The following ZNF420 variants were observed in gnomAD, a reference collection of about 807,000 sequenced individuals.
ZNF420 encodes the protein ATM and p53-associated KZNF protein.
In ZNF420, 31 loss-of-function variants were observed where a neutral mutation model predicts 44.7. The ratio of observed to expected loss-of-function variants is 0.69; its 90% confidence interval spans 0.52 to 0.94. The LOEUF (loss-of-function observed/expected upper bound fraction) is 0.94, where lower values mean the gene tolerates loss of function less well. ZNF420 is among the 40% of genes least tolerant of loss of function. The probability of loss-of-function intolerance (pLI) is 0.00; values close to 1 mark genes in which losing one functional copy is unlikely to be tolerated. For synonymous variants in ZNF420, 245 were observed against 267.4 expected (o/e 0.92, Z 0.82); for missense variants, 681 against 827.9 (o/e 0.82, Z 2.18).
At chr19:37,074,822 A>T (rs1411921358), upstream of ZNF420, among the ~76,000 whole-genome samples, 2 of 152,364 alleles carry the variant, frequency 1.3e-5, no homozygotes, top group East Asian at 3.9e-4. Context: ...AGATTAAGCA[A>T]ATGGTCCAAA....
At chr19:37,050,049 G>A (rs1967611338) in intron 1 of ZNF420, among the ~76,000 whole-genome samples, 1 of 152,024 alleles carries the variant, frequency 6.6e-6, no homozygotes, top group Admixed American at 6.6e-5. Flanking sequence ...TATTTCTGAG[G>A]GCTCTTTTCT....
At chr19:37,066,764 A>G (rs1222741077) in intron 1 of ZNF420, among the ~76,000 whole-genome samples, 1 of 152,212 alleles carries the variant, frequency 6.6e-6, no homozygotes, top group Non-Finnish European at 1.5e-5. Flanking sequence ...ACACCTATAC[A>G]CTGTGTCTGA....
At chr19:37,011,090 GCT>G (rs2074565814) in intron 1 of ZNF420, among the ~76,000 whole-genome samples, 1 of 152,200 alleles carries the variant, frequency 6.6e-6, no homozygotes, top group Non-Finnish European at 1.5e-5. Flanking sequence ...TCTCGCCTCT[GCT>G]CTATCCTCCC....
Position 37,072,435 on chromosome 19 carries a change from C to T in ZNF420, c.-124-7910C>T, listed in dbSNP as rs1968072701. ...AAGCACACAGAATCCACAGGATTCACAAAGGAAGAAGATACTCCAGATTGT... is the reference window on the plus strand; with the variant it reads ...AAGCACACAGAATCCACAGGATTCATAAAGGAAGAAGATACTCCAGATTGT... On this transcript the variant is annotated intron_variant, in intron 1 of 4. Coordinates refer to the ZNF420 transcript ENST00000587029. Among the ~76,000 whole-genome samples the T allele has an allele frequency of 4.6e-5, 7 of 152,280 alleles. 1 individual carries two copies. The South Asian group carries it at 1.2e-3, about 27-fold the overall frequency.
At chr19:37,105,840 A>G (rs1970048185) in intron 4 of ZNF420, among the ~76,000 whole-genome samples, 1 of 152,052 alleles carries the variant, frequency 6.6e-6, no homozygotes, top group African/African-American at 2.4e-5. Context: ...TTTGTCTGTT[A>G]TTGGTGTATA....
intron 1 of ZNF420, among the ~76,000 whole-genome samples, chr19:37,056,211 A>G (rs1967751389): frequency 6.6e-6 from 1 of 151,982 alleles, no homozygotes; most frequent in African/African-American, 2.4e-5. Flanking sequence ...GGATGGGGTG[A>G]ACTTTGCAGA....
Position 37,128,584 on chromosome 19 carries a change from T to C in ZNF420, c.1593T>C (p.Tyr531=). ...HQRLHTGEKP[Y]VCNECGKAFA... ...GACTTCACACTGGTGAGAAACCCTA[T>C]GTGTGTAATGAATGTGGAAAGGCCT... The change falls in exon 5 of 5, where the codon TAT becomes TAC. Residue 531 remains tyrosine (Y), a synonymous_variant. Coordinates refer to ENST00000337995, the MANE Select transcript of ZNF420 (RefSeq NM_144689.5). 7 of 1,613,796 alleles carry C rather than the reference T, an allele frequency of 4.3e-6. No homozygotes were observed. The highest frequency in any genetic ancestry group is 5.1e-6 in the Non-Finnish European group (6 of 1,179,880).
At chr19:37,066,655 G>A (rs912631087) in intron 1 of ZNF420, among the ~76,000 whole-genome samples, 2 of 152,196 alleles carry the variant, frequency 1.3e-5, no homozygotes, top group Non-Finnish European at 2.9e-5. Context: ...TGTTGGCAAA[G>A]AGGTAGGGAG....
At chr19:37,009,516 G>T (rs1311983893) in intron 1 of ZNF420, among the ~76,000 whole-genome samples, 2 of 152,156 alleles carry the variant, frequency 1.3e-5, no homozygotes, top group Non-Finnish European at 2.9e-5. Flanking sequence ...TCTGGGGGAC[G>T]CCAGTGCCAC....
chr19:37,026,828 C>G (rs1213742927), intron 1 of ZNF420, among the ~76,000 whole-genome samples: 1 of 152,280 alleles, frequency 6.6e-6, no homozygotes, highest in South Asian at 2.1e-4. Flanking sequence ...AATGGACAAA[C>G]AGATAATAAT....
intron 1 of ZNF420, among the ~76,000 whole-genome samples, chr19:37,036,549 C>T (rs1484951640): frequency 6.6e-6 from 1 of 152,152 alleles, no homozygotes; most frequent in Non-Finnish European, 1.5e-5. Flanking sequence ...AGGTAATAAT[C>T]CTCCTGCTTT....
intron 1 of ZNF420, among the ~76,000 whole-genome samples, chr19:37,054,641 T>A (rs1257824270): frequency 2.6e-5 from 4 of 152,246 alleles, no homozygotes; most frequent in African/African-American, 9.6e-5. Flanking sequence ...TAAGACTCAC[T>A]GAGCAGATGG....
At chr19:37,056,652 T>C (rs1387326869) in intron 1 of ZNF420, among the ~76,000 whole-genome samples, 1 of 152,200 alleles carries the variant, frequency 6.6e-6, no homozygotes, top group Non-Finnish European at 1.5e-5. Context: ...GGGATCTTTC[T>C]GTGCCCCAGT....
rs34191527 is a variant in ZNF420 at position 37,129,043 on chromosome 19, A to G, written c.2052A>G (p.Ser684=). Residue 684 remains serine (S), a synonymous_variant, in exon 5 of 5, where the codon TCA becomes TCG. Transcript: ENST00000337995. ...GTGGGATTGACTTTAGTCATGGCTC[A>G]CAAGTTTACATGTGAATTGTCTGAT... is the stretch of plus-strand genomic sequence containing the variant. ...KECGIDFSHG[S]QVYM The G allele has an allele frequency of 6.5e-3, 10,527 of 1,610,736 alleles. 326 individuals are homozygous for G. The Admixed American group carries it at 0.066, about 10-fold the overall frequency.
At chr19:37,057,459 C>T (rs1225779303) in intron 1 of ZNF420, among the ~76,000 whole-genome samples, 3 of 150,610 alleles carry the variant, frequency 2.0e-5, no homozygotes, top group Non-Finnish European at 4.4e-5. Flanking sequence ...CCCATTCTCT[C>T]TTATCTCTCT....
chr19:37,042,023 G>A (rs11084871), intron 1 of ZNF420, among the ~76,000 whole-genome samples: 46,856 of 151,914 alleles, frequency 0.31, 7,527 homozygotes, highest in Non-Finnish European at 0.35. Context: ...TAATGGAGAC[G>A]AAGTCTCGCT....
chr19:37,013,694 A>G (rs826322), intron 1 of ZNF420, among the ~76,000 whole-genome samples: 53,381 of 151,870 alleles, frequency 0.35, 9,669 homozygotes, highest in African/African-American at 0.41. Flanking sequence ...GGTCCCACGG[A>G]CCTCAAGCCA....
At chr19:37,069,436 T>C (rs1447502240) in intron 1 of ZNF420, among the ~76,000 whole-genome samples, 1 of 152,176 alleles carries the variant, frequency 6.6e-6, no homozygotes, top group Admixed American at 6.5e-5. Context: ...CTGGACTCAA[T>C]GGGGTTATGC....
At chr19:37,052,995 A>G (rs998641641) in intron 1 of ZNF420, among the ~76,000 whole-genome samples, 31 of 152,348 alleles carry the variant, frequency 2.0e-4, no homozygotes, top group African/African-American at 7.5e-4. Flanking sequence ...ACTTTCAGGT[A>G]CACCAATAAG....
Sources: allele counts gnomAD v4.1 joint callset (sites outside exome capture counted in the v4.1 genomes callset), GRCh38; gene constraint gnomAD v4.1.1; transcripts MANE v1.5; gene names NCBI Gene and HGNC (gene_info 2026-07-23, HGNC 2026-07-21).